Variants in PDE4D observed in about 807,000 individuals in gnomAD.
PDE4D encodes phosphodiesterase 4D, also known as 3',5'-cyclic-AMP phosphodiesterase 4D.
In PDE4D, 24 loss-of-function variants were observed where a neutral mutation model predicts 87.4. The ratio of observed to expected loss-of-function variants is 0.27; its 90% confidence interval spans 0.20 to 0.39. PDE4D has a LOEUF of 0.39. PDE4D is among the 10% of genes least tolerant of loss of function. PDE4D has a pLI of 1.00. For missense variants in PDE4D, 714 were observed against 1,041.0 expected (o/e 0.69, Z 4.32); for synonymous variants, 384 against 383.2 (o/e 1.00, Z -0.02).
Position 60,314,710 on chromosome 5 carries a change from C to A in PDE4D, c.-89-129023G>T, listed in dbSNP as rs747841625. On this transcript the variant is annotated intron_variant, in intron 1 of 16. Coordinates refer to the PDE4D transcript ENST00000502484. ...GTCCATGTGTTCTCATTGTTCAGTT[C>A]CCACCTATGAGTGACAACATGCGGT... Among the ~76,000 whole-genome samples the A allele has an allele frequency of 2.7e-5, 4 of 150,878 alleles. No homozygotes were observed. In the East Asian group the frequency reaches 5.9e-4, roughly 22 times the overall value.
intron 3 of PDE4D, among the ~76,000 whole-genome samples, chr5:59,933,206 G>C (rs1756168323): frequency 6.6e-6 from 1 of 152,224 alleles, no homozygotes. Flanking sequence ...CACTAAGGCA[G>C]AGGAAAACAT....
chr5:59,110,683 G>A (rs575031060), intron 5 of PDE4D, among the ~76,000 whole-genome samples: 1 of 152,256 alleles, frequency 6.6e-6, no homozygotes, highest in Non-Finnish European at 1.5e-5. Context: ...ACTAGCCTAA[G>A]TGTCATGGCG....
chr5:59,702,869 C>CA (rs71604798), intron 1 of PDE4D, among the ~76,000 whole-genome samples: 2,214 of 69,060 alleles, frequency 0.032, 75 homozygotes, highest in Non-Finnish European at 0.038. Context: ...GACCCTGTCT[C>CA]AAAAAAAAAA....
chr5:59,279,809 GTGTT>G (rs1262631127), intron 1 of PDE4D, among the ~76,000 whole-genome samples: 1 of 146,026 alleles, frequency 6.8e-6, no homozygotes, highest in Non-Finnish European at 1.5e-5. Context: ...GTGTATGTGT[GTGTT>G]TGTGTGTGTG....
chr5:59,712,843 A>C (rs918207361), intron 1 of PDE4D, among the ~76,000 whole-genome samples: 1 of 152,170 alleles, frequency 6.6e-6, no homozygotes, highest in Non-Finnish European at 1.5e-5. Flanking sequence ...TGTGGTTATC[A>C]TATCTCACAT....
intron 1 of PDE4D, among the ~76,000 whole-genome samples, chr5:59,464,779 T>C (rs1227404109): frequency 6.6e-6 from 1 of 152,220 alleles, no homozygotes; most frequent in Admixed American, 6.5e-5. Flanking sequence ...GAATCATATG[T>C]GCAAAAATAA....
chr5:59,932,904 C>T (rs549491588), intron 3 of PDE4D, among the ~76,000 whole-genome samples: 17 of 152,234 alleles, frequency 1.1e-4, no homozygotes, highest in African/African-American at 3.9e-4. Context: ...TTCTACATTC[C>T]AATTTTTGCC....
intron 1 of PDE4D, among the ~76,000 whole-genome samples, chr5:60,412,857 C>G (rs1349842230): frequency 1.3e-5 from 2 of 152,086 alleles, no homozygotes; most frequent in Non-Finnish European, 2.9e-5. Flanking sequence ...ATAACCCTTA[C>G]AACAAATCCT....
At chr5:59,008,673 G>C (rs866062711) in intron 6 of PDE4D, among the ~76,000 whole-genome samples, 1 of 151,898 alleles carries the variant, frequency 6.6e-6, no homozygotes, top group Non-Finnish European at 1.5e-5. Context: ...GTGATCTTGC[G>C]TTAGGCAAAG....
chr5:59,161,329 G>A (rs1196188569), intron 5 of PDE4D, among the ~76,000 whole-genome samples: 1 of 152,184 alleles, frequency 6.6e-6, no homozygotes, highest in Non-Finnish European at 1.5e-5. Context: ...ATTTACACTG[G>A]TTCTATCTGG....
chr5:59,473,084 A>G (rs1265738695), intron 1 of PDE4D, among the ~76,000 whole-genome samples: 3 of 44,456 alleles, frequency 6.7e-5, no homozygotes, highest in Non-Finnish European at 1.1e-4. Context: ...CTTTCTCATG[A>G]AAAAAAAAAA....
At chr5:59,078,098 G>A (rs1267855367) in intron 5 of PDE4D, among the ~76,000 whole-genome samples, 1 of 151,852 alleles carries the variant, frequency 6.6e-6, no homozygotes, top group Non-Finnish European at 1.5e-5. Context: ...TTCTCTCCAT[G>A]TTTACAACTA....
chr5:59,985,369 C>T (rs1426874090), intron 3 of PDE4D, among the ~76,000 whole-genome samples: 2 of 151,754 alleles, frequency 1.3e-5, no homozygotes, highest in Non-Finnish European at 2.9e-5. Context: ...TCTTGATCTC[C>T]TCACCTTGTG....
chr5:60,169,795 G>C (rs1300952725), intron 2 of PDE4D, among the ~76,000 whole-genome samples: 1 of 151,984 alleles, frequency 6.6e-6, no homozygotes, highest in African/African-American at 2.4e-5. Context: ...TTACTGCAGA[G>C]ACAGAGTCTT....
intron 1 of PDE4D, among the ~76,000 whole-genome samples, chr5:60,457,283 C>T (rs1490690972): frequency 6.6e-6 from 1 of 151,814 alleles, no homozygotes; most frequent in Non-Finnish European, 1.5e-5. Flanking sequence ...GGCCTTTTTC[C>T]CTCCTGTTTT....
chr5:59,062,853 C>G (rs986876529), intron 5 of PDE4D, among the ~76,000 whole-genome samples: 4 of 151,936 alleles, frequency 2.6e-5, no homozygotes, highest in Non-Finnish European at 5.9e-5. Context: ...ACCCCCACCC[C>G]CTATAACACT....
intron 3 of PDE4D, among the ~76,000 whole-genome samples, chr5:59,921,673 T>G (rs1179921108): frequency 6.6e-6 from 1 of 152,214 alleles, no homozygotes; most frequent in Non-Finnish European, 1.5e-5. Flanking sequence ...ACATCCAGAA[T>G]TCTAATTTTG....
intron 1 of PDE4D, among the ~76,000 whole-genome samples, chr5:60,341,282 ACAGAGCC>A (rs1437437048): frequency 6.6e-6 from 1 of 152,198 alleles, no homozygotes; most frequent in Non-Finnish European, 1.5e-5. Flanking sequence ...AAGGCATGGC[ACAGAGCC>A]CAGGCAGGCA....
chr5:60,409,985 T>C (rs1013249429), intron 1 of PDE4D, among the ~76,000 whole-genome samples: 14 of 152,186 alleles, frequency 9.2e-5, no homozygotes, highest in African/African-American at 3.1e-4. Flanking sequence ...CCCATTCCTG[T>C]TCAGGGCTCT....
Sources: gnomAD v4.1 joint callset for allele counts (sites outside exome capture counted in the v4.1 genomes callset) on GRCh38, gnomAD v4.1.1 for gene constraint, MANE v1.5 for transcripts, NCBI Gene and HGNC (gene_info 2026-07-23, HGNC 2026-07-21) for gene names.